The following MEGF10 variants were observed in gnomAD, a reference collection of about 807,000 sequenced individuals.
The protein encoded by MEGF10 is multiple EGF like domains 10.
In MEGF10, 86 loss-of-function variants were observed where a neutral mutation model predicts 147.5. The ratio of observed to expected loss-of-function variants is 0.58; its 90% confidence interval spans 0.49 to 0.70. The LOEUF (loss-of-function observed/expected upper bound fraction) is 0.70. MEGF10 is among the 30% of genes least tolerant of loss of function. MEGF10 has a pLI of 0.00. For missense variants in MEGF10, 1,329 were observed against 1,487.3 expected (o/e 0.89, Z 1.75); for synonymous variants, 478 against 525.5 (o/e 0.91, Z 1.24).
At chr5:127,368,462 A>G (rs1311598422) in intron 4 of MEGF10, among the ~76,000 whole-genome samples, 4 of 152,126 alleles carry the variant, frequency 2.6e-5, no homozygotes, top group Non-Finnish European at 4.4e-5. Context: ...TTGGTTTCTT[A>G]TAACAAATGT....
chr5:127,391,106 A>ACACG (rs1763665941), intron 5 of MEGF10, among the ~76,000 whole-genome samples: 1 of 28,460 alleles, frequency 3.5e-5, no homozygotes, highest in Non-Finnish European at 1.4e-4. Flanking sequence ...GCGCGCGCAC[A>ACACG]CACACACACA....
At chr5:127,266,906 G>C in the MEGF10 span, among the ~76,000 whole-genome samples, 4 of 152,002 alleles carry the variant, frequency 2.6e-5, no homozygotes, top group African/African-American at 4.8e-5. Context: ...AATTGAATAC[G>C]CTTTATTTCT....
At chr5:127,280,182 T>C in the MEGF10 span, among the ~76,000 whole-genome samples, 1 of 152,224 alleles carries the variant, frequency 6.6e-6, no homozygotes, top group Admixed American at 6.5e-5. Flanking sequence ...CTTTGTTAAA[T>C]ATGAGAAAAT....
chr5:127,380,579 G>A (rs1030966622), intron 5 of MEGF10, among the ~76,000 whole-genome samples: 1 of 150,968 alleles, frequency 6.6e-6, no homozygotes, highest in South Asian at 2.1e-4. Flanking sequence ...GTGCAGTGGC[G>A]CAATCTTGGC....
chr5:127,406,316 G>C (rs979303314), intron 8 of MEGF10, among the ~76,000 whole-genome samples: 3 of 152,200 alleles, frequency 2.0e-5, no homozygotes, highest in Non-Finnish European at 2.9e-5. Context: ...GAAGTAAAGA[G>C]AGAACTTGCT....
chr5:127,386,403 T>C (rs954603665), intron 5 of MEGF10, among the ~76,000 whole-genome samples: 3 of 152,232 alleles, frequency 2.0e-5, no homozygotes, highest in African/African-American at 2.4e-5. Flanking sequence ...CTTTTTATAC[T>C]GAAGTGGGGA....
intron 22 of MEGF10, among the ~76,000 whole-genome samples, chr5:127,450,348 C>T (rs1210768252): frequency 6.6e-6 from 1 of 152,152 alleles, no homozygotes; most frequent in African/African-American, 2.4e-5. Context: ...AGACTCACCT[C>T]TTAAAATATA....
intron 4 of MEGF10, among the ~76,000 whole-genome samples, chr5:127,361,544 T>C (rs189923220): frequency 6.6e-6 from 1 of 152,196 alleles, no homozygotes; most frequent in Admixed American, 6.5e-5. Context: ...TGATTTTTAT[T>C]ATTTCTTTTA....
chr5:127,376,103 G>A (rs1763015683), intron 5 of MEGF10, among the ~76,000 whole-genome samples: 1 of 152,166 alleles, frequency 6.6e-6, no homozygotes, highest in Non-Finnish European at 1.5e-5. Flanking sequence ...AGGGAGACAA[G>A]GGCTAAGAGT....
intron 13 of MEGF10, among the ~76,000 whole-genome samples, chr5:127,432,749 C>T (rs989156816): frequency 6.6e-6 from 1 of 152,116 alleles, no homozygotes; most frequent in Non-Finnish European, 1.5e-5. Context: ...TCATAATAAT[C>T]GATAGCATAG....
rs774989239 is a variant in MEGF10, at chr5:127,445,466, T to C, written c.2501T>C (p.Ile834Thr). 6 of 1,613,378 alleles carry C rather than the reference T, an allele frequency of 3.7e-6. No homozygotes were observed. In the Admixed American group the frequency reaches 6.7e-5, roughly 18 times the overall value. Residue 834 changes from isoleucine to threonine, a missense_variant, in exon 20 of 25, where the codon ATC (isoleucine) becomes ACC (threonine). By Grantham distance (89) the Ile-to-Thr change is moderately conservative. Coordinates refer to ENST00000503335, the MANE Select transcript of MEGF10 (RefSeq NM_001256545.2). ...KGARCDQAGVIIVGNLNSLSR... is the reference protein window; with the variant it reads ...KGARCDQAGVTIVGNLNSLSR... ...TCTCTTCTTTTTCTAGCTGGTGTTATCATAGTTGGAAATCTGAACAGCTTA... is the reference window on the plus strand; with the variant it reads ...TCTCTTCTTTTTCTAGCTGGTGTTACCATAGTTGGAAATCTGAACAGCTTA...
chr5:127,359,328 A>G (rs1044885359), intron 4 of MEGF10, among the ~76,000 whole-genome samples: 1 of 151,582 alleles, frequency 6.6e-6, no homozygotes, highest in African/African-American at 2.4e-5. Context: ...TTTCTGTAAA[A>G]GTTCTCCTCT....
intron 1 of MEGF10, among the ~76,000 whole-genome samples, chr5:127,312,661 A>C (rs146168267): frequency 1.8e-4 from 27 of 152,236 alleles, no homozygotes; most frequent in Non-Finnish European, 3.2e-4. Flanking sequence ...TGTGCTTTGC[A>C]CTCCAATACC....
At chr5:127,425,463 G>A (rs894796697) in intron 13 of MEGF10, among the ~76,000 whole-genome samples, 1 of 152,090 alleles carries the variant, frequency 6.6e-6, no homozygotes, top group Non-Finnish European at 1.5e-5. Context: ...TCTTCTGTGT[G>A]GGCTGTTGGT....
intron 20 of MEGF10, 63 bp downstream of exon 20, chr5:127,445,756 T>A: frequency 8.5e-7 from 1 of 1,182,890 alleles, no homozygotes; most frequent in Non-Finnish European, 1.3e-6. Context: ...TCGGGTTCTT[T>A]AAAACTGGGT....
At chr5:127,366,889 A>AAAT (rs1346450439) in intron 4 of MEGF10, among the ~76,000 whole-genome samples, 2 of 152,220 alleles carry the variant, frequency 1.3e-5, no homozygotes, top group Non-Finnish European at 2.9e-5. Flanking sequence ...GGAGTTAACA[A>AAAT]AATAAAAGCA....
In MEGF10 at chr5:127,419,257, A is replaced by G; in HGVS notation, c.1426+17A>G. On this transcript the variant is annotated intron_variant, in intron 11 of 24. Transcript: ENST00000503335. ...GCAAGGCAGGTAAGAATGGGTAAAT[A>G]AGTCTTTAATTTGATCCTGGTCACG... 6.2e-7 allele frequency: 1 copy of G among 1,608,566 alleles called. No homozygotes were observed. The highest frequency in any genetic ancestry group is 8.5e-7 in the Non-Finnish European group (1 of 1,178,578).
intron 6 of MEGF10, among the ~76,000 whole-genome samples, chr5:127,398,170 C>T (rs1428676928): frequency 6.6e-6 from 1 of 151,678 alleles, no homozygotes; most frequent in Non-Finnish European, 1.5e-5. Flanking sequence ...CGCCATGGCA[C>T]ATGTACACCT....
At chr5:127,248,840 T>A in the MEGF10 span, among the ~76,000 whole-genome samples, 1 of 151,230 alleles carries the variant, frequency 6.6e-6, no homozygotes, top group Non-Finnish European at 1.5e-5. Flanking sequence ...AAAATCAATC[T>A]GCAGATCTAA....
Sources: allele counts gnomAD v4.1 joint callset (sites outside exome capture counted in the v4.1 genomes callset), GRCh38; gene constraint gnomAD v4.1.1; transcripts MANE v1.5; gene names NCBI Gene and HGNC (gene_info 2026-07-23, HGNC 2026-07-21).